Variants in SLC24A2 observed in about 807,000 individuals in gnomAD.
SLC24A2 encodes the protein sodium/potassium/calcium exchanger 2.
A neutral mutation model predicts 62.0 loss-of-function variants in SLC24A2; 36 were observed. The ratio of observed to expected loss-of-function variants is 0.58; its 90% CI spans 0.44 to 0.77. The LOEUF (loss-of-function observed/expected upper bound fraction) is 0.77. Among genes scored for constraint, SLC24A2 ranks in the 30% least tolerant of loss-of-function variants. The pLI is 0.00. For synonymous variants in SLC24A2, 358 were observed against 294.0 expected (o/e 1.22, Z -2.23); for missense variants, 846 against 817.9 (o/e 1.03, Z -0.42).
the SLC24A2 span, among the ~76,000 whole-genome samples, chr9:20,221,834 T>C: frequency 6.6e-6 from 1 of 152,018 alleles, no homozygotes; most frequent in Non-Finnish European, 1.5e-5. Flanking sequence ...CTTTCAACTG[T>C]ATTGACAAAA....
chr9:19,565,690 C>A (rs1358473449), intron 7 of SLC24A2, among the ~76,000 whole-genome samples: 1 of 152,190 alleles, frequency 6.6e-6, no homozygotes, highest in Non-Finnish European at 1.5e-5. Context: ...AAGCTGGAGG[C>A]ATCAGGCTAC....
chr9:20,141,023 CAGA>C, the SLC24A2 span, among the ~76,000 whole-genome samples: 1 of 152,118 alleles, frequency 6.6e-6, no homozygotes, highest in Non-Finnish European at 1.5e-5. Flanking sequence ...CTCTCCTCCT[CAGA>C]AGATTTCTGT....
At chr9:20,162,957 A>G in the SLC24A2 span, among the ~76,000 whole-genome samples, 41 of 152,296 alleles carry the variant, frequency 2.7e-4, no homozygotes, top group Middle Eastern at 3.4e-3. Context: ...CTCTCAATAA[A>G]TTAGGTATTG....
At chr9:20,087,357 G>A in the SLC24A2 span, among the ~76,000 whole-genome samples, 1 of 152,144 alleles carries the variant, frequency 6.6e-6, no homozygotes, top group Non-Finnish European at 1.5e-5. Context: ...TTAACAATAG[G>A]AACGTAAACA....
chr9:20,113,977 T>C, the SLC24A2 span, among the ~76,000 whole-genome samples: 1 of 152,188 alleles, frequency 6.6e-6, no homozygotes, highest in Non-Finnish European at 1.5e-5. Flanking sequence ...AACCCTATGA[T>C]TGCCCCCACT....
At chr9:20,278,766 C>T in the SLC24A2 span, among the ~76,000 whole-genome samples, 4 of 152,184 alleles carry the variant, frequency 2.6e-5, no homozygotes, top group South Asian at 2.1e-4. Context: ...CTGCTCCAAC[C>T]TTTACCTGCC....
chr9:19,711,402 G>A (rs1279364511), intron 2 of SLC24A2, among the ~76,000 whole-genome samples: 1 of 152,154 alleles, frequency 6.6e-6, no homozygotes, highest in Non-Finnish European at 1.5e-5. Context: ...ATGCTTAAGA[G>A]TGTAAAAGAA....
chr9:20,255,270 C>A, the SLC24A2 span, among the ~76,000 whole-genome samples: 2 of 152,302 alleles, frequency 1.3e-5, no homozygotes, highest in Admixed American at 1.3e-4. Flanking sequence ...TAGAGTACTG[C>A]TAATAAGATT....
the SLC24A2 span, among the ~76,000 whole-genome samples, chr9:20,009,383 CAAAA>C: frequency 1.8e-5 from 2 of 112,350 alleles, no homozygotes; most frequent in Admixed American, 9.9e-5. Context: ...AACTCTGTCT[CAAAA>C]AAAAAAAAAA....
At chr9:19,882,838 C>T in the SLC24A2 span, among the ~76,000 whole-genome samples, 2 of 152,152 alleles carry the variant, frequency 1.3e-5, no homozygotes, top group Non-Finnish European at 2.9e-5. Context: ...ATCTCCTAAA[C>T]TGAGCTGTGC....
intron 2 of SLC24A2, among the ~76,000 whole-genome samples, chr9:19,638,995 A>G (rs895204297): frequency 1.3e-5 from 2 of 152,234 alleles, no homozygotes; most frequent in African/African-American, 4.8e-5. Context: ...TTTCAGTTTC[A>G]CATAAATATG....
the SLC24A2 span, among the ~76,000 whole-genome samples, chr9:20,136,177 T>C: frequency 2.0e-5 from 3 of 152,088 alleles, no homozygotes; most frequent in Non-Finnish European, 2.9e-5. Flanking sequence ...CTGGAGAACA[T>C]AGTGCTTAAA....
chr9:20,020,458 A>G, the SLC24A2 span, among the ~76,000 whole-genome samples: 1 of 152,204 alleles, frequency 6.6e-6, no homozygotes, highest in Admixed American at 6.5e-5. Flanking sequence ...ATTCTCAGCA[A>G]ACTGACACAA....
chr9:19,872,441 A>G, the SLC24A2 span, among the ~76,000 whole-genome samples: 10 of 152,166 alleles, frequency 6.6e-5, no homozygotes, highest in African/African-American at 2.4e-4. Context: ...AGGTTGTTGT[A>G]CCAGTGTATG....
chr9:20,157,961 G>A, the SLC24A2 span, among the ~76,000 whole-genome samples: 2 of 151,616 alleles, frequency 1.3e-5, no homozygotes, highest in Middle Eastern at 3.4e-3. Context: ...TAAGAAGAAA[G>A]TAAGCAAACA....
the SLC24A2 span, among the ~76,000 whole-genome samples, chr9:20,275,998 G>A: frequency 2.6e-5 from 4 of 152,096 alleles, no homozygotes; most frequent in Non-Finnish European, 5.9e-5. Flanking sequence ...GGGGATTATG[G>A]GAGCTACAAT....
chr9:19,763,141 G>A (rs1216868427), intron 2 of SLC24A2, among the ~76,000 whole-genome samples: 3 of 152,168 alleles, frequency 2.0e-5, no homozygotes, highest in African/African-American at 4.8e-5. Flanking sequence ...GTATAGGAAT[G>A]CTTGTGATTT....
chr9:19,878,867 C>G, the SLC24A2 span, among the ~76,000 whole-genome samples: 11 of 152,178 alleles, frequency 7.2e-5, no homozygotes, highest in African/African-American at 2.6e-4. Flanking sequence ...CTAATATAAT[C>G]TCCTTCCCCT....
chr9:20,026,605 A>G, the SLC24A2 span, among the ~76,000 whole-genome samples: 1 of 152,228 alleles, frequency 6.6e-6, no homozygotes, highest in Non-Finnish European at 1.5e-5. Context: ...TGATGTTGGT[A>G]AAACTGGATG....
Sources: gnomAD v4.1 joint callset for allele counts (sites outside exome capture counted in the v4.1 genomes callset) on GRCh38, gnomAD v4.1.1 for gene constraint, MANE v1.5 for transcripts, NCBI Gene and HGNC (gene_info 2026-07-23, HGNC 2026-07-21) for gene names.